Variants in ZFAND3 observed in about 807,000 individuals in gnomAD.
The protein encoded by ZFAND3 is zinc finger AN1-type containing 3.
In ZFAND3, 10 loss-of-function variants were observed where a neutral mutation model predicts 29.6. The ratio of observed to expected loss-of-function variants is 0.34; its 90% CI spans 0.21 to 0.57. The LOEUF is 0.57. Among genes scored for constraint, ZFAND3 ranks in the 20% least tolerant of loss-of-function variants. The pLI is 0.86. For missense variants in ZFAND3, 230 were observed against 304.5 expected (o/e 0.76, Z 1.82); for synonymous variants, 128 against 112.6 (o/e 1.14, Z -0.87).
intron 5 of ZFAND3, among the ~76,000 whole-genome samples, chr6:38,145,961 T>C (rs1766097418): frequency 1.3e-5 from 2 of 152,008 alleles, no homozygotes; most frequent in African/African-American, 4.8e-5. Context: ...CAGAACAGAG[T>C]TTTAGATAGG....
chr6:38,141,742 G>C (rs1220682001), intron 5 of ZFAND3, among the ~76,000 whole-genome samples: 1 of 152,172 alleles, frequency 6.6e-6, no homozygotes, highest in Non-Finnish European at 1.5e-5. Flanking sequence ...AAGTGGGGCA[G>C]AAAAAATGTT....
intron 1 of ZFAND3, among the ~76,000 whole-genome samples, chr6:37,823,414 C>T (rs1376386189): frequency 1.3e-5 from 2 of 152,170 alleles, no homozygotes; most frequent in African/African-American, 2.4e-5. Context: ...GTTTTGGCTC[C>T]GGCAGACTAA....
intron 2 of ZFAND3, among the ~76,000 whole-genome samples, chr6:38,025,033 C>T (rs925783337): frequency 2.0e-5 from 3 of 152,172 alleles, no homozygotes; most frequent in Non-Finnish European, 4.4e-5. Context: ...TTTAATATAT[C>T]TGGTATCCAT....
intron 2 of ZFAND3, among the ~76,000 whole-genome samples, chr6:38,047,049 G>A (rs976537096): frequency 6.6e-6 from 1 of 151,990 alleles, no homozygotes; most frequent in Admixed American, 6.6e-5. Flanking sequence ...CTGGCCAGGT[G>A]CGGTGGTTCA....
At chr6:37,946,012 T>C (rs543003017) in intron 2 of ZFAND3, among the ~76,000 whole-genome samples, 2 of 152,300 alleles carry the variant, frequency 1.3e-5, no homozygotes, top group South Asian at 2.1e-4. Context: ...GTGGTGTTTT[T>C]GGTGTCTTAA....
At chr6:37,939,021 A>G (rs1456274995) in intron 2 of ZFAND3, among the ~76,000 whole-genome samples, 2 of 152,188 alleles carry the variant, frequency 1.3e-5, no homozygotes, top group African/African-American at 2.4e-5. Flanking sequence ...TCTTTGTGGT[A>G]GACAGGATTA....
At chr6:37,955,574 T>C (rs962136857) in intron 2 of ZFAND3, among the ~76,000 whole-genome samples, 2 of 152,230 alleles carry the variant, frequency 1.3e-5, no homozygotes, top group African/African-American at 2.4e-5. Flanking sequence ...TACAATTTTT[T>C]GGCTGCAAGT....
At position 38,038,866 on chromosome 6, in the gene ZFAND3, A is replaced by C. The variant is rs191187509; in HGVS notation, c.113-22727A>C. On this transcript the variant is annotated intron_variant, in intron 2 of 5. Coordinates refer to ENST00000287218, the MANE Select transcript of ZFAND3 (RefSeq NM_021943.3). The stretch of plus-strand genomic sequence containing the variant: ...CATATAAGCGGCTTGGGGCAGCACT[A>C]TCTCTCAGAAGCTGTTGGATCCCAT... Among the ~76,000 whole-genome samples the C allele has an allele frequency of 5.9e-3, 892 of 152,310 alleles. 6 individuals are homozygous for C. The highest frequency in any genetic ancestry group is 9.3e-3 in the Non-Finnish European group (635 of 68,032).
At chr6:37,888,656 C>T (rs1252121760) in intron 1 of ZFAND3, among the ~76,000 whole-genome samples, 2 of 152,096 alleles carry the variant, frequency 1.3e-5, no homozygotes, top group Admixed American at 1.3e-4. Context: ...TTTAATTTCC[C>T]TGGATATGTT....
intron 5 of ZFAND3, among the ~76,000 whole-genome samples, chr6:38,144,537 C>G (rs1473663788): frequency 6.6e-6 from 1 of 152,188 alleles, no homozygotes; most frequent in African/African-American, 2.4e-5. Flanking sequence ...GAGCAGGTGC[C>G]TCTGCGCAGA....
chr6:37,862,545 A>G (rs1273065267), intron 1 of ZFAND3, among the ~76,000 whole-genome samples: 2 of 151,346 alleles, frequency 1.3e-5, no homozygotes, highest in African/African-American at 2.4e-5. Flanking sequence ...AAAAGCAGGC[A>G]TGGTGGTGCT....
chr6:37,985,527 A>ACACACACACACACCCC (rs753070737), intron 2 of ZFAND3, among the ~76,000 whole-genome samples: 1 of 141,656 alleles, frequency 7.1e-6, no homozygotes, highest in Non-Finnish European at 1.6e-5. Context: ...ACACACACAC[A>ACACACACACACACCCC]CCCCCACACA....
At chr6:38,069,504 A>G (rs541185287) in intron 3 of ZFAND3, among the ~76,000 whole-genome samples, 2 of 152,290 alleles carry the variant, frequency 1.3e-5, no homozygotes, top group East Asian at 3.9e-4. Flanking sequence ...GTCTCTTTTG[A>G]TTTTAATTTA....
intron 1 of ZFAND3, among the ~76,000 whole-genome samples, chr6:37,928,336 G>A (rs1477799595): frequency 1.3e-5 from 2 of 152,120 alleles, no homozygotes; most frequent in Non-Finnish European, 2.9e-5. Flanking sequence ...GGCAGTTCTG[G>A]TCAAAGGCTC....
At chr6:38,146,822 G>T (rs895848279) in intron 5 of ZFAND3, among the ~76,000 whole-genome samples, 32 of 152,246 alleles carry the variant, frequency 2.1e-4, no homozygotes, top group African/African-American at 7.7e-4. Context: ...TATAGCTGTA[G>T]TAAGCAAAAA....
chr6:38,124,439 G>C (rs895334972), intron 5 of ZFAND3, among the ~76,000 whole-genome samples: 5 of 152,214 alleles, frequency 3.3e-5, no homozygotes, highest in Non-Finnish European at 7.4e-5. Context: ...GCCAGGCGGG[G>C]AGGCTCAGGC....
At position 38,041,770 on chromosome 6, in the gene ZFAND3, TCCTCCTCCTCC is replaced by T. The variant is rs1763785282; in HGVS notation, c.113-19822_113-19812del. Among the ~76,000 whole-genome samples the T allele has an allele frequency of 7.5e-4, 2 of 2,658 alleles. 1 individual carries two copies. Among genetic ancestry groups the T allele is most frequent in the African/African-American group, 8.8e-4 (2 of 2,274 alleles). 1.7% of individuals were successfully genotyped at this position (2,658 alleles called of 152,430 possible). On this transcript the variant is annotated intron_variant, in intron 2 of 5. Coordinates refer to ENST00000287218, the MANE Select transcript of ZFAND3 (RefSeq NM_021943.3). Reference sequence around the variant, plus strand: ...CTCCTCCTCCTCCTCCTCCTCCTCCTCCTCCTCCTCCTCTTCTTTCTTCTTCTTCTCCTCTT... The same window carrying T: ...CTCCTCCTCCTCCTCCTCCTCCTCCTTCTTCTTTCTTCTTCTTCTCCTCTT...
chr6:38,114,486 T>C (rs912224107), intron 4 of ZFAND3, among the ~76,000 whole-genome samples: 1 of 152,262 alleles, frequency 6.6e-6, no homozygotes, highest in Non-Finnish European at 1.5e-5. Flanking sequence ...TCAATTGTTT[T>C]CATCAGAGTC....
chr6:37,852,375 C>T (rs1435528116), intron 1 of ZFAND3, among the ~76,000 whole-genome samples: 3 of 152,194 alleles, frequency 2.0e-5, no homozygotes, highest in Admixed American at 6.5e-5. Flanking sequence ...CAAAGAATTA[C>T]CTGGCAGTGA....
Sources: allele counts gnomAD v4.1 joint callset (sites outside exome capture counted in the v4.1 genomes callset), GRCh38; gene constraint gnomAD v4.1.1; transcripts MANE v1.5; gene names NCBI Gene and HGNC (gene_info 2026-07-23, HGNC 2026-07-21).